The following METTL9 variants were observed in gnomAD, a reference collection of about 807,000 sequenced individuals.
METTL9 encodes the protein methyltransferase 9, His-X-His N1(pi)-histidine, also known as protein-L-histidine N-pros-methyltransferase.
In METTL9, 10 loss-of-function variants were observed where a neutral mutation model predicts 36.0. That is an observed-to-expected ratio of 0.28 (90% confidence interval 0.17 to 0.47). The LOEUF (loss-of-function observed/expected upper bound fraction) is 0.47, where lower values mean the gene tolerates loss of function less well. Among genes scored for constraint, METTL9 ranks in the 20% least tolerant of loss-of-function variants. The pLI is 0.99. For synonymous variants in METTL9, 175 were observed against 149.7 expected, an observed-to-expected ratio of 1.17 and a Z score of -1.23; for missense variants, 246 against 383.5, an observed-to-expected ratio of 0.64 and a Z score of 3.00.
intron 4 of METTL9, chr16:21,643,054 T>C: frequency 6.5e-7 from 1 of 1,531,828 alleles, no homozygotes; most frequent in Non-Finnish European, 9.0e-7. Flanking sequence ...TTACATTTTT[T>C]TTTGACATTT....
At chr16:21,632,892 CTG>C (rs962409846) in intron 4 of METTL9, among the ~76,000 whole-genome samples, 2 of 152,130 alleles carry the variant, frequency 1.3e-5, no homozygotes, top group Non-Finnish European at 2.9e-5. Context: ...CCTGCTCTCT[CTG>C]TGATGTATAA....
chr16:21,630,517 C>G (rs1318046990), intron 4 of METTL9, among the ~76,000 whole-genome samples: 1 of 152,232 alleles, frequency 6.6e-6, no homozygotes. Context: ...AATCCCCCGT[C>G]TAAACAGGAT....
intron 4 of METTL9, chr16:21,644,212 G>A: frequency 1.9e-6 from 2 of 1,059,026 alleles, no homozygotes; most frequent in East Asian, 4.8e-5. Flanking sequence ...CCCATAACTT[G>A]TGGAGAGATA....
At chr16:21,648,116 C>G (rs1966477702) in intron 4 of METTL9, among the ~76,000 whole-genome samples, 1 of 152,170 alleles carries the variant, frequency 6.6e-6, no homozygotes. Flanking sequence ...CCTACCATGT[C>G]TTTGATTACT....
chr16:21,622,177 C>CTTTT (rs1555490164), intron 3 of METTL9, among the ~76,000 whole-genome samples: 3 of 33,270 alleles, frequency 9.0e-5, no homozygotes, highest in South Asian at 1.3e-3. Context: ...CAGGATCTTG[C>CTTTT]TTTGTCGTCC....
intron 4 of METTL9, among the ~76,000 whole-genome samples, chr16:21,634,742 C>A (rs1358862309): frequency 6.6e-6 from 1 of 152,134 alleles, no homozygotes; most frequent in Non-Finnish European, 1.5e-5. Context: ...GATCAATTGA[C>A]CCTTGAGTGA....
At chr16:21,624,394 G>A (rs879897484) in intron 3 of METTL9, among the ~76,000 whole-genome samples, 1 of 152,124 alleles carries the variant, frequency 6.6e-6, no homozygotes, top group African/African-American at 2.4e-5. Flanking sequence ...AGGAAACTTC[G>A]TATGTGTTGA....
Position 21,612,788 on chromosome 16 carries a change from T to G in METTL9, c.309T>G (p.Phe103Leu). 6.2e-7 allele frequency: 1 copy of G among 1,612,608 alleles called. No homozygotes were observed. The highest frequency in any genetic ancestry group is 8.5e-7 in the Non-Finnish European group (1 of 1,179,600). Reference sequence around the variant, plus strand: ...TATTTATCCAATTATATCATTCTTTTGTGTCATCTGTTTTTAGCCTGTTTA... The same window carrying G: ...TATTTATCCAATTATATCATTCTTTGGTGTCATCTGTTTTTAGCCTGTTTA... ...GWLFIQLYHS[F>L]VSSVFSLFMS... The change falls in exon 2 of 5, where the codon TTT (phenylalanine) becomes TTG (leucine). Residue 103 changes from phenylalanine to leucine, a missense_variant. Physicochemically the swap from Phe to Leu is conservative, Grantham distance 22. Coordinates refer to ENST00000358154, the MANE Select transcript of METTL9 (RefSeq NM_016025.5).
chr16:21,644,150 G>A, intron 4 of METTL9: 2 of 617,268 alleles, frequency 3.2e-6, no homozygotes, highest in East Asian at 2.7e-5. Flanking sequence ...TCTGCAGGTG[G>A]TGTTCCCTGC....
intron 4 of METTL9, chr16:21,644,238 T>C (rs1966358761): frequency 1.6e-6 from 2 of 1,246,604 alleles, no homozygotes; most frequent in Admixed American, 1.8e-5. Context: ...TATTTTTCTT[T>C]TGATAATATT....
At chr16:21,613,731 T>A (rs894391063) in intron 2 of METTL9, among the ~76,000 whole-genome samples, 5 of 152,116 alleles carry the variant, frequency 3.3e-5, no homozygotes, top group Admixed American at 3.3e-4. Context: ...TCTTAAATAA[T>A]GTCTAGGTTC....
chr16:21,655,184 T>C (rs781612472), intron 4 of METTL9, 43 bp from the exon 5 acceptor site: 2 of 1,570,532 alleles, frequency 1.3e-6, no homozygotes, highest in Admixed American at 3.4e-5. Context: ...TTTAAATCAC[T>C]TGTTTGTTCA....
intron 1 of METTL9, among the ~76,000 whole-genome samples, chr16:21,609,206 A>G (rs918545318): frequency 2.0e-5 from 3 of 151,946 alleles, no homozygotes; most frequent in Admixed American, 2.0e-4. Flanking sequence ...TGAGAAATTG[A>G]CAGAAACCCC....
intron 4 of METTL9, chr16:21,654,576 T>C (rs7204169): frequency 0.3 from 45,050 of 152,342 alleles, 7,276 homozygotes; most frequent in East Asian, 0.51. Flanking sequence ...CAAGAAATGC[T>C]GGACGGTGTA....
chr16:21,619,517 T>C (rs1474225998), intron 3 of METTL9, among the ~76,000 whole-genome samples: 3 of 151,884 alleles, frequency 2.0e-5, no homozygotes, highest in Non-Finnish European at 2.9e-5. Flanking sequence ...ACCTCCTGGA[T>C]TCAGGCAATT....
At chr16:21,605,874 A>C (rs1250829379) in intron 1 of METTL9, among the ~76,000 whole-genome samples, 1 of 152,164 alleles carries the variant, frequency 6.6e-6, no homozygotes, top group Non-Finnish European at 1.5e-5. Context: ...TTACAGAGTT[A>C]AGAGCTCAGT....
intron 3 of METTL9, among the ~76,000 whole-genome samples, chr16:21,620,237 T>C (rs978051210): frequency 1.3e-5 from 2 of 152,128 alleles, no homozygotes; most frequent in Non-Finnish European, 2.9e-5. Context: ...AAGGAAGGTG[T>C]GAGTTTGAAC....
upstream of METTL9, among the ~76,000 whole-genome samples, chr16:21,598,473 GCTTA>G (rs1965005088): frequency 1.3e-5 from 2 of 152,070 alleles, no homozygotes; most frequent in East Asian, 3.9e-4. Flanking sequence ...TAACCAAAAG[GCTTA>G]CTTCTTTTGT....
chr16:21,599,353 C>A (rs955855187), upstream of METTL9: 22 of 996,586 alleles, frequency 2.2e-5, no homozygotes, highest in Non-Finnish European at 2.5e-5. This position sits in a 1 kb window ranked among gnomAD's most constrained non-coding sequence, Gnocchi z 4.4. Flanking sequence ...CCGCCATTTA[C>A]TAGAGGCCAA....
Sources: gnomAD v4.1 joint callset for allele counts (sites outside exome capture counted in the v4.1 genomes callset) on GRCh38, gnomAD v4.1.1 for gene constraint, Gnocchi (gnomAD v3.1) non-coding constraint, MANE v1.5 for transcripts, NCBI Gene and HGNC (gene_info 2026-07-23, HGNC 2026-07-21) for gene names.